The following P2RY6 variants were observed in gnomAD, a reference collection of about 807,000 sequenced individuals.
P2RY6 encodes the protein P2Y purinoceptor 6.
A neutral mutation model predicts 16.3 loss-of-function variants in P2RY6; 19 were observed. The ratio of observed to expected loss-of-function variants is 1.16; its 90% CI spans 0.81 to 1.71. The LOEUF (loss-of-function observed/expected upper bound fraction) is 1.71, where lower values mean the gene tolerates loss of function less well. Among genes scored for constraint, P2RY6 ranks in the 40% most tolerant of loss-of-function variants. P2RY6 has a pLI of 0.00. For missense variants in P2RY6, 389 were observed against 455.5 expected (o/e 0.85, Z 1.33); for synonymous variants, 184 against 201.5 (o/e 0.91, Z 0.74).
chr11:73,296,770 C>T lies in P2RY6; in HGVS notation c.252C>T (p.Tyr84=), dbSNP rs376408637. The T allele has an allele frequency of 6.2e-7, 1 of 1,612,402 alleles. No homozygotes were observed. The highest frequency in any genetic ancestry group is 1.3e-5 in the African/African-American group (1 of 74,952). The change falls in exon 3 of 3, where the codon TAC becomes TAT. Residue 84 remains tyrosine (Y), a synonymous_variant. Transcript: ENST00000540124. The part of the protein sequence containing the change: ...LYACSLPLLI[Y]NYAQGDHWPF... ...CCTGCTCCCTGCCCCTGCTCATCTA[C>T]AACTATGCCCAAGGTGATCACTGGC... is the stretch of plus-strand genomic sequence containing the variant.
At chr11:73,264,903 G>C (rs1338592300) in intron 1 of P2RY6, among the ~76,000 whole-genome samples, 1 of 152,248 alleles carries the variant, frequency 6.6e-6, no homozygotes, top group Non-Finnish European at 1.5e-5. Flanking sequence ...GTTGTATGCG[G>C]TTAGTGTGCG....
upstream of P2RY6, chr11:73,272,293 C>T: frequency 1.0e-6 from 1 of 973,740 alleles, no homozygotes; most frequent in Non-Finnish European, 1.2e-6. Context: ...TGGCAAGTTA[C>T]TTCCTCTCCC....
chr11:73,286,381 A>G (rs192284006), intron 1 of P2RY6, among the ~76,000 whole-genome samples: 1 of 152,186 alleles, frequency 6.6e-6, no homozygotes, highest in East Asian at 1.9e-4. Context: ...AAAACTGCCT[A>G]CCTTCGGGCC....
chr11:73,295,739 C>T lies in P2RY6; in HGVS notation c.-111C>T. On this transcript the variant is annotated 5_prime_UTR_variant, in exon 2 of 3. Transcript: ENST00000540124. ...TTCCCCTATTTTACAGATAACAAGACCTCTGCCAGAAGAACCATGGCTTTG... is the reference window on the plus strand; with the variant it reads ...TTCCCCTATTTTACAGATAACAAGATCTCTGCCAGAAGAACCATGGCTTTG... 3.0e-6 allele frequency: 3 copies of T among 984,412 alleles called. No homozygotes were observed. The highest frequency in any genetic ancestry group is 3.6e-6 in the Non-Finnish European group (3 of 829,012). 61.0% of individuals were successfully genotyped at this position (984,412 alleles called of 1,614,324 possible).
At chr11:73,277,230 C>T (rs1863575019) in intron 1 of P2RY6, among the ~76,000 whole-genome samples, 1 of 152,030 alleles carries the variant, frequency 6.6e-6, no homozygotes, top group Non-Finnish European at 1.5e-5. Context: ...TCTCCTGCCT[C>T]AGCCTCCCAA....
chr11:73,291,036 G>C (rs1308648747), intron 1 of P2RY6, among the ~76,000 whole-genome samples: 4 of 152,220 alleles, frequency 2.6e-5, no homozygotes, highest in African/African-American at 9.7e-5. Flanking sequence ...CAGGCCTCTT[G>C]TATGTCCTTG....
intron 1 of P2RY6, among the ~76,000 whole-genome samples, chr11:73,284,558 G>A (rs947731093): frequency 6.6e-6 from 1 of 152,206 alleles, no homozygotes; most frequent in Non-Finnish European, 1.5e-5. Flanking sequence ...ACACGGCCAG[G>A]CAGAAGCAGC....
intron 1 of P2RY6, among the ~76,000 whole-genome samples, chr11:73,289,646 C>A (rs1864116125): frequency 6.6e-6 from 1 of 152,342 alleles, no homozygotes. Flanking sequence ...TGTCCTCTGG[C>A]GCCATCTCAT....
chr11:73,276,945 AG>A (rs1485017397), intron 1 of P2RY6, among the ~76,000 whole-genome samples: 7 of 152,168 alleles, frequency 4.6e-5, no homozygotes, highest in Non-Finnish European at 7.3e-5. Context: ...GTTGGTCCTC[AG>A]GTAGGTGAAA....
intron 1 of P2RY6, chr11:73,265,280 A>G (rs1378315354): frequency 1.3e-5 from 2 of 152,264 alleles, no homozygotes; most frequent in Non-Finnish European, 2.9e-5. Flanking sequence ...TGGAGAAAGT[A>G]TGACAGGTCC....
chr11:73,293,020 C>G, intron 1 of P2RY6: 1 of 639,928 alleles, frequency 1.6e-6, no homozygotes, highest in Non-Finnish European at 1.9e-6. Context: ...GGTAGGTAGG[C>G]TGGGTTCAGC....
In P2RY6 at chr11:73,281,420, T is replaced by TG. The variant is rs775725206; in HGVS notation, c.-121+8958dup. On this transcript the variant is annotated intron_variant, in intron 1 of 2. Transcript: ENST00000540124. ...GGACATCTGGCTCCCTTGGGCAGGG[T>TG]GGGGCCCAGGGTCCTCCATCCAAGA... 1.1e-4 allele frequency among the ~76,000 whole-genome samples: 16 copies of TG among 152,232 alleles called. No individual in the cohort carries two copies. The East Asian group carries it at 2.7e-3, about 26-fold the overall frequency.
chr11:73,294,024 G>A (rs186475285), intron 1 of P2RY6, among the ~76,000 whole-genome samples: 260 of 152,202 alleles, frequency 1.7e-3, no homozygotes, highest in African/African-American at 5.7e-3. Context: ...CAGCCCCACC[G>A]AACCAGCAGT....
At chr11:73,281,038 G>A (rs572008741) in intron 1 of P2RY6, among the ~76,000 whole-genome samples, 18 of 152,248 alleles carry the variant, frequency 1.2e-4, no homozygotes, top group African/African-American at 4.1e-4. Flanking sequence ...TGAGAGAAGA[G>A]GAGTTTGAAA....
intron 1 of P2RY6, among the ~76,000 whole-genome samples, chr11:73,289,074 G>A (rs1864082924): frequency 6.6e-6 from 1 of 152,188 alleles, no homozygotes; most frequent in African/African-American, 2.4e-5. Context: ...CCTCATCCAT[G>A]CTAGATATGA....
intron 1 of P2RY6, among the ~76,000 whole-genome samples, chr11:73,286,731 C>A (rs113696507): frequency 1.3e-5 from 2 of 152,292 alleles, no homozygotes; most frequent in African/African-American, 4.8e-5. Flanking sequence ...ACCTTGTCCC[C>A]TGTTCCTAGC....
intron 1 of P2RY6, among the ~76,000 whole-genome samples, chr11:73,265,765 CAGTT>C (rs1863082759): frequency 6.6e-6 from 1 of 152,156 alleles, no homozygotes; most frequent in Non-Finnish European, 1.5e-5. Flanking sequence ...CCTCCTGAGA[CAGTT>C]AGGTGTTTGT....
intron 1 of P2RY6, among the ~76,000 whole-genome samples, chr11:73,281,219 C>T (rs2135716014): frequency 6.6e-6 from 1 of 152,332 alleles, no homozygotes; most frequent in Middle Eastern, 3.4e-3. Context: ...TCTGCTATAT[C>T]AGCTCATCCG....
At chr11:73,283,869 G>A (rs989449573) in intron 1 of P2RY6, among the ~76,000 whole-genome samples, 5 of 152,138 alleles carry the variant, frequency 3.3e-5, no homozygotes, top group Non-Finnish European at 5.9e-5. Context: ...ACTGGGGAGT[G>A]GGAAGTGTTT....
Sources: gnomAD v4.1 joint callset for allele counts (sites outside exome capture counted in the v4.1 genomes callset) on GRCh38, gnomAD v4.1.1 for gene constraint, MANE v1.5 for transcripts, NCBI Gene and HGNC (gene_info 2026-07-23, HGNC 2026-07-21) for gene names.